INSL6: variants seen among roughly 807,000 people sequenced by gnomAD.
The protein encoded by INSL6 is insulin-like peptide INSL6.
In INSL6, 16 loss-of-function variants were observed where a neutral mutation model predicts 9.4. The ratio of observed to expected loss-of-function variants is 1.70; its 90% CI spans 1.15 to 2.59. INSL6 has a LOEUF of 2.59. Ranked by LOEUF, INSL6 falls within the 30% of genes most tolerant of loss-of-function variation. The probability of loss-of-function intolerance (pLI) is 0.00; values close to 1 mark genes in which losing one functional copy is unlikely to be tolerated. For synonymous variants in INSL6, 154 were observed against 96.9 expected (o/e 1.59, Z -3.46); for missense variants, 391 against 257.3 (o/e 1.52, Z -3.56).
At chr9:5,107,168 T>G in the INSL6 span, among the ~76,000 whole-genome samples, 2 of 152,162 alleles carry the variant, frequency 1.3e-5, no homozygotes, top group Admixed American at 1.3e-4. Flanking sequence ...TCTTTTAGTA[T>G]AAAGAGTACC....
chr9:5,002,978 T>C, the INSL6 span, among the ~76,000 whole-genome samples: 2 of 152,014 alleles, frequency 1.3e-5, no homozygotes, highest in African/African-American at 4.8e-5. Context: ...CTAAGCCACA[T>C]GTTTTGAAAT....
At chr9:5,043,345 A>G in the INSL6 span, among the ~76,000 whole-genome samples, 1 of 152,220 alleles carries the variant, frequency 6.6e-6, no homozygotes, top group Non-Finnish European at 1.5e-5. Flanking sequence ...ACCCTCCGAA[A>G]AAAAGATGCC....
the INSL6 span, chr9:5,113,844 C>T: frequency 3.6e-5 from 7 of 197,180 alleles, no homozygotes; most frequent in Non-Finnish European, 7.3e-5. Context: ...TCAGTACCTT[C>T]AGCATCTACT....
At chr9:5,124,288 C>T (rs1586844641) in exon 4 of INSL6, among the ~76,000 whole-genome samples, 1 of 151,752 alleles carries the variant, frequency 6.6e-6, no homozygotes, top group Admixed American at 6.6e-5. Context: ...TTTGTTTACA[C>T]TCATTTCCAT....
At chr9:5,136,021 T>C (rs551212083) in intron 2 of INSL6, among the ~76,000 whole-genome samples, 3 of 152,254 alleles carry the variant, frequency 2.0e-5, no homozygotes, top group Admixed American at 2.0e-4. Flanking sequence ...CTAGAAAATC[T>C]AGAAGAAATA....
chr9:5,165,873 GTC>G, intron 1 of INSL6, among the ~76,000 whole-genome samples: 1 of 152,246 alleles, frequency 6.6e-6, no homozygotes, highest in South Asian at 2.1e-4. Context: ...TTTGCCAATA[GTC>G]TCTACTGTAG....
chr9:5,090,357 G>A, the INSL6 span: 43 of 970,988 alleles, frequency 4.4e-5, no homozygotes, highest in Non-Finnish European at 5.8e-5. Flanking sequence ...TTTCATATAT[G>A]TTTAAGTCAT....
chr9:5,103,332 A>G, the INSL6 span, among the ~76,000 whole-genome samples: 1 of 146,254 alleles, frequency 6.8e-6, no homozygotes, highest in African/African-American at 2.8e-5. Context: ...AAAGGCCATT[A>G]CATAATGGTA....
intron 2 of INSL6, among the ~76,000 whole-genome samples, chr9:5,150,539 A>G (rs1392568495): frequency 1.3e-5 from 2 of 152,212 alleles, no homozygotes; most frequent in Non-Finnish European, 2.9e-5. Flanking sequence ...ATCTTACACT[A>G]GTCAGAATGG....
At chr9:5,079,928 T>C in the INSL6 span, among the ~76,000 whole-genome samples, 1 of 152,204 alleles carries the variant, frequency 6.6e-6, no homozygotes, top group Non-Finnish European at 1.5e-5. Context: ...GATTCAGAAC[T>C]CACTGTACAG....
chr9:5,122,326 G>A (rs1382522102), downstream of INSL6, among the ~76,000 whole-genome samples: 2 of 152,120 alleles, frequency 1.3e-5, no homozygotes, highest in African/African-American at 4.8e-5. Context: ...CACCATTGCT[G>A]TGACTTTTTC....
At chr9:5,130,998 G>A (rs1824268632) in intron 3 of INSL6, among the ~76,000 whole-genome samples, 1 of 151,840 alleles carries the variant, frequency 6.6e-6, no homozygotes, top group Admixed American at 6.6e-5. Flanking sequence ...CAAAGTGTCG[G>A]GATTACAGGC....
the INSL6 span, chr9:5,111,747 GA>G: frequency 2.4e-6 from 1 of 424,668 alleles, no homozygotes; most frequent in Non-Finnish European, 4.6e-6. Flanking sequence ...CGGCTGCACG[GA>G]GGAGAAGTGA....
chr9:5,032,803 G>A, the INSL6 span, among the ~76,000 whole-genome samples: 1 of 152,256 alleles, frequency 6.6e-6, no homozygotes, highest in African/African-American at 2.4e-5. Flanking sequence ...GGAAAAAACA[G>A]AGCAGAAAAA....
At chr9:5,165,313 A>G (rs1246787051) in intron 1 of INSL6, among the ~76,000 whole-genome samples, 3 of 152,236 alleles carry the variant, frequency 2.0e-5, no homozygotes, top group Admixed American at 6.5e-5. Context: ...GGGATGGAAC[A>G]CTGCATGATA....
chr9:5,052,373 C>G, the INSL6 span, among the ~76,000 whole-genome samples: 1 of 151,868 alleles, frequency 6.6e-6, no homozygotes. Context: ...TGCTCTTAGC[C>G]AGGATATAAA....
At chr9:5,047,089 A>G in the INSL6 span, among the ~76,000 whole-genome samples, 6,523 of 152,180 alleles carry the variant, frequency 0.043, 404 homozygotes, top group African/African-American at 0.13. Flanking sequence ...TTATGTCTAG[A>G]TAGTACCACA....
chr9:5,159,452 T>C (rs936392188), downstream of INSL6, among the ~76,000 whole-genome samples: 1 of 151,076 alleles, frequency 6.6e-6, no homozygotes, highest in Non-Finnish European at 1.5e-5. Context: ...AATAAAGGGA[T>C]AGAAAAAGAT....
chr9:5,166,334 A>T (rs915174019), intron 1 of INSL6, among the ~76,000 whole-genome samples: 10 of 152,116 alleles, frequency 6.6e-5, no homozygotes, highest in African/African-American at 2.4e-4. Context: ...TCTTGAGGTT[A>T]TTTAGGTGAA....
Sources: gnomAD v4.1 joint callset for allele counts (sites outside exome capture counted in the v4.1 genomes callset) on GRCh38, gnomAD v4.1.1 for gene constraint, MANE v1.5 for transcripts, NCBI Gene and HGNC (gene_info 2026-07-23, HGNC 2026-07-21) for gene names.